EFCAB7: variants seen among roughly 807,000 people sequenced by gnomAD.
EFCAB7 encodes the protein EF-hand calcium-binding domain-containing protein 7.
EFCAB7 carries 66 observed loss-of-function variants against 77.1 expected under a neutral mutation model. The observed-to-expected ratio is 0.86, with a 90% CI of 0.70 to 1.05. The LOEUF (loss-of-function observed/expected upper bound fraction) is 1.05, where lower values mean the gene tolerates loss of function less well. Ranked by LOEUF, EFCAB7 falls within the 50% of genes least tolerant of loss-of-function variation. EFCAB7 has a pLI of 0.00. For missense variants in EFCAB7, 638 were observed against 730.5 expected, an observed-to-expected ratio of 0.87 and a Z score of 1.46; for synonymous variants, 225 against 243.3, an observed-to-expected ratio of 0.92 and a Z score of 0.70.
intron 1 of EFCAB7, among the ~76,000 whole-genome samples, chr1:63,524,724 CTG>C (rs1646551247): frequency 6.6e-6 from 1 of 152,128 alleles, no homozygotes; most frequent in Non-Finnish European, 1.5e-5. Context: ...AAAGAAGAAA[CTG>C]TTCGTGAAAT....
intron 10 of EFCAB7, among the ~76,000 whole-genome samples, chr1:63,559,398 C>A (rs1383174150): frequency 6.6e-6 from 1 of 151,312 alleles, no homozygotes; most frequent in Non-Finnish European, 1.5e-5. Flanking sequence ...TGTATGATAC[C>A]TTTGTTACAA....
chr1:63,527,044 C>T (rs878870936), intron 2 of EFCAB7, among the ~76,000 whole-genome samples: 4 of 152,204 alleles, frequency 2.6e-5, no homozygotes, highest in Admixed American at 6.5e-5. Flanking sequence ...GCATTATAGG[C>T]GTGAGCCACC....
chr1:63,534,937 T>G (rs1433396935), intron 6 of EFCAB7, among the ~76,000 whole-genome samples: 1 of 152,068 alleles, frequency 6.6e-6, no homozygotes, highest in Non-Finnish European at 1.5e-5. Flanking sequence ...TTTTAAAACA[T>G]TATCTCCAAG....
At chr1:63,579,052 AT>A in the EFCAB7 span, among the ~76,000 whole-genome samples, 10 of 152,148 alleles carry the variant, frequency 6.6e-5, no homozygotes, top group Non-Finnish European at 5.9e-5. Flanking sequence ...TAAAAAAAAA[AT>A]CATACAGTAA....
chr1:63,579,437 T>A, the EFCAB7 span, among the ~76,000 whole-genome samples: 5 of 152,222 alleles, frequency 3.3e-5, no homozygotes, highest in Non-Finnish European at 7.3e-5. Context: ...TATGATTGTA[T>A]TACAGTTTAT....
At chr1:63,534,016 T>A (rs956467882) in intron 5 of EFCAB7, 79 bp from the exon 6 acceptor site, 11 of 1,478,584 alleles carry the variant, frequency 7.4e-6, no homozygotes, top group Non-Finnish European at 2.8e-6. Flanking sequence ...GTAGATCTTT[T>A]ATACTGCACT....
At chr1:63,563,131 T>C (rs1249142654) in intron 11 of EFCAB7, among the ~76,000 whole-genome samples, 1 of 152,196 alleles carries the variant, frequency 6.6e-6, no homozygotes, top group East Asian at 1.9e-4. Context: ...CCCATGTTGT[T>C]GCTTATTAGG....
chr1:63,541,809 C>T (rs529194563), intron 6 of EFCAB7, among the ~76,000 whole-genome samples: 4 of 152,218 alleles, frequency 2.6e-5, no homozygotes, highest in African/African-American at 9.6e-5. Flanking sequence ...GTGATGCACC[C>T]ACCTTGGCCT....
chr1:63,545,899 T>C lies in EFCAB7; in HGVS notation c.805-17T>C. The C allele has an allele frequency of 6.2e-7, 1 of 1,608,620 alleles. No homozygotes were observed. The highest frequency in any genetic ancestry group is 8.5e-7 in the Non-Finnish European group (1 of 1,176,406). On this transcript the variant is annotated splice_polypyrimidine_tract_variant and intron_variant, in intron 6 of 13. Transcript: ENST00000371088. ...TTTAATAAATATTGTTTGAAATAAT[T>C]TTTTCCTTCATTTCAGGACTGGCAA...
rs751790491 is a variant in EFCAB7 at position 63,525,558 on chromosome 1, T to G, written c.-1-14T>G. 5.5e-6 allele frequency: 8 copies of G among 1,465,790 alleles called. No homozygotes were observed. Among genetic ancestry groups the G allele is most frequent in the Non-Finnish European group, 7.2e-6 (8 of 1,110,888 alleles). 90.8% of individuals were successfully genotyped at this position (1,465,790 alleles called of 1,614,324 possible). A position where few individuals can be genotyped will look rare whatever the true frequency, so the allele number is the denominator to read the frequency against. On this transcript the variant is annotated splice_polypyrimidine_tract_variant and intron_variant, in intron 1 of 13. Coordinates refer to ENST00000371088, the MANE Select transcript of EFCAB7 (RefSeq NM_032437.4). ...TCACATTGACAAACACATTTTTAAA[T>G]TATTTTCCAATAGAATGGCGATCAG...
At chr1:63,572,281 C>T (rs905444309) in intron 13 of EFCAB7, among the ~76,000 whole-genome samples, 161 bp from the exon 14 acceptor site, 2 of 152,182 alleles carry the variant, frequency 1.3e-5, no homozygotes, top group African/African-American at 4.8e-5. Flanking sequence ...TGTTAGACCT[C>T]AGATCATAGA....
chr1:63,578,015 G>A, the EFCAB7 span, among the ~76,000 whole-genome samples: 1 of 152,110 alleles, frequency 6.6e-6, no homozygotes, highest in Admixed American at 6.5e-5. Flanking sequence ...AGGAAATGAG[G>A]CATAGTCTTT....
At chr1:63,524,183 ATATACT>A (rs1191847033) in intron 1 of EFCAB7, among the ~76,000 whole-genome samples, 4 of 152,210 alleles carry the variant, frequency 2.6e-5, no homozygotes, top group Admixed American at 6.5e-5. Flanking sequence ...CGATCCTAAA[ATATACT>A]TATATTTTAA....
chr1:63,565,358 C>T (rs1002247449), intron 11 of EFCAB7, among the ~76,000 whole-genome samples: 1 of 129,240 alleles, frequency 7.7e-6, no homozygotes, highest in Non-Finnish European at 1.6e-5. Flanking sequence ...GACTCCGTCT[C>T]AAAAAAAAAA....
intron 2 of EFCAB7, among the ~76,000 whole-genome samples, chr1:63,530,646 T>C (rs923233920): frequency 5.9e-5 from 9 of 152,178 alleles, no homozygotes; most frequent in African/African-American, 2.2e-4. Context: ...AGTTTGACCA[T>C]AGCATCTCTA....
At chr1:63,575,453 G>A (rs1647384688), downstream of EFCAB7, among the ~76,000 whole-genome samples, 1 of 152,128 alleles carries the variant, frequency 6.6e-6, no homozygotes, top group South Asian at 2.1e-4. Context: ...ACCAGAGGGT[G>A]AGCATATTAT....
intron 12 of EFCAB7, chr1:63,569,527 G>C (rs17125132): frequency 6.6e-6 from 1 of 152,102 alleles, no homozygotes; most frequent in Admixed American, 6.6e-5. Context: ...TATGGGATTT[G>C]AGCACTGAAG....
chr1:63,527,631 C>G (rs1019771066), intron 2 of EFCAB7, among the ~76,000 whole-genome samples: 2 of 152,148 alleles, frequency 1.3e-5, no homozygotes, highest in Non-Finnish European at 2.9e-5. Context: ...TTACTATCAT[C>G]AAACTTAATC....
chr1:63,533,799 A>T, intron 5 of EFCAB7, 150 bp downstream of exon 5: 1 of 666,394 alleles, frequency 1.5e-6, no homozygotes, highest in South Asian at 3.2e-5. Flanking sequence ...CAGCTGTAAA[A>T]ATCTATTGAA....
Sources: allele counts gnomAD v4.1 joint callset (sites outside exome capture counted in the v4.1 genomes callset), GRCh38; gene constraint gnomAD v4.1.1; transcripts MANE v1.5; gene names NCBI Gene and HGNC (gene_info 2026-07-23, HGNC 2026-07-21).